CPQ: variants seen among roughly 807,000 people sequenced by gnomAD.
The protein encoded by CPQ is Ser-Met dipeptidase.
In CPQ, 37 loss-of-function variants were observed where a neutral mutation model predicts 45.7. That is an observed-to-expected ratio of 0.81 (90% CI 0.62 to 1.07). The LOEUF (loss-of-function observed/expected upper bound fraction) is 1.07, where lower values mean the gene tolerates loss of function less well. CPQ is among the 50% of genes least tolerant of loss of function. The pLI is 0.00. For missense variants in CPQ, 537 were observed against 572.9 expected (o/e 0.94, Z 0.64); for synonymous variants, 186 against 205.8 (o/e 0.90, Z 0.82).
At chr8:97,108,317 G>T (rs1399164086) in intron 7 of CPQ, among the ~76,000 whole-genome samples, 1 of 152,174 alleles carries the variant, frequency 6.6e-6, no homozygotes, top group Non-Finnish European at 1.5e-5. Flanking sequence ...CCTGACTTAT[G>T]ATATAACAGG....
intron 5 of CPQ, among the ~76,000 whole-genome samples, chr8:97,016,570 C>G (rs1038257096): frequency 6.6e-6 from 1 of 152,058 alleles, no homozygotes; most frequent in Non-Finnish European, 1.5e-5. Context: ...AATTAATGGT[C>G]TAATGGGAAG....
chr8:96,744,437 C>G (rs1463895616), intron 1 of CPQ, among the ~76,000 whole-genome samples: 1 of 152,236 alleles, frequency 6.6e-6, no homozygotes, highest in Non-Finnish European at 1.5e-5. Context: ...CACCTGTCTT[C>G]TGCGTCGGTC....
At chr8:96,956,954 C>A (rs910834520) in intron 4 of CPQ, among the ~76,000 whole-genome samples, 1 of 152,196 alleles carries the variant, frequency 6.6e-6, no homozygotes, top group Non-Finnish European at 1.5e-5. Flanking sequence ...GGCATGGAGC[C>A]TTTCAAAGTA....
Position 97,043,251 on chromosome 8 carries a change from T to C in CPQ, c.1053+13757T>C, listed in dbSNP as rs1168612948. 2.0e-5 allele frequency among the ~76,000 whole-genome samples: 3 copies of C among 152,052 alleles called. No homozygotes were observed. The South Asian group carries it at 6.2e-4, about 32-fold the overall frequency. ...TTTACCATTATGTAATGGCCTTCTT[T>C]GTCTCTTTTGATCTTTGTTGGTTTA... On this transcript the variant is annotated intron_variant, in intron 6 of 7. Transcript: ENST00000220763.
chr8:97,038,825 C>CAAAAAAA (rs35739621), intron 6 of CPQ, among the ~76,000 whole-genome samples: 547 of 91,496 alleles, frequency 6.0e-3, no homozygotes, highest in African/African-American at 7.2e-3. Flanking sequence ...ACCGTATTTA[C>CAAAAAAA]AAAAAAAAAA....
intron 2 of CPQ, among the ~76,000 whole-genome samples, chr8:96,808,695 G>T (rs1811118059): frequency 6.6e-6 from 1 of 152,104 alleles, no homozygotes; most frequent in Non-Finnish European, 1.5e-5. Flanking sequence ...AAAGGCAGGG[G>T]CTCCAGAAGT....
chr8:96,816,855 T>C (rs757748067), intron 2 of CPQ, among the ~76,000 whole-genome samples: 4 of 152,152 alleles, frequency 2.6e-5, no homozygotes, highest in Non-Finnish European at 5.9e-5. Context: ...TTAAAATATT[T>C]ACTAAACCAT....
intron 5 of CPQ, among the ~76,000 whole-genome samples, chr8:97,017,223 T>C (rs751104153): frequency 2.6e-5 from 4 of 151,752 alleles, no homozygotes; most frequent in Non-Finnish European, 5.9e-5. Flanking sequence ...CCGAGCAAAA[T>C]ATGGGGTTAG....
intron 2 of CPQ, among the ~76,000 whole-genome samples, chr8:96,804,106 G>T (rs1265508373): frequency 1.3e-5 from 2 of 152,174 alleles, no homozygotes; most frequent in South Asian, 2.1e-4. Context: ...AGGGAAAAAA[G>T]ATATTTTTAG....
chr8:96,846,978 T>G (rs1038085755), intron 3 of CPQ, among the ~76,000 whole-genome samples: 4 of 152,218 alleles, frequency 2.6e-5, no homozygotes, highest in Admixed American at 6.5e-5. Flanking sequence ...GACTCTCAGT[T>G]TGGAGTTGTT....
intron 1 of CPQ, among the ~76,000 whole-genome samples, chr8:96,650,520 G>GTT (rs1815565774): frequency 6.6e-6 from 1 of 152,200 alleles, no homozygotes; most frequent in Non-Finnish European, 1.5e-5. Context: ...GCTGCAGTTT[G>GTT]TTTCATGGCT....
intron 1 of CPQ, 104 bp from the exon 2 acceptor site, chr8:96,784,760 T>C: frequency 1.3e-6 from 1 of 775,070 alleles, no homozygotes; most frequent in Non-Finnish European, 2.1e-6. Flanking sequence ...TGGGCAGTGG[T>C]TGGGAAGGGA....
chr8:96,891,805 T>A (rs1812380486), intron 4 of CPQ, among the ~76,000 whole-genome samples: 1 of 152,148 alleles, frequency 6.6e-6, no homozygotes, highest in African/African-American at 2.4e-5. Flanking sequence ...TGATAGAAGG[T>A]GGTAAGTGCC....
At chr8:96,756,644 A>G in intron 1 of CPQ, among the ~76,000 whole-genome samples, 1 of 152,120 alleles carries the variant, frequency 6.6e-6, no homozygotes, top group East Asian at 1.9e-4. Context: ...TATTCAGACT[A>G]TTGTCATGAT....
chr8:96,680,211 A>ATATT (rs1272957606), intron 1 of CPQ, among the ~76,000 whole-genome samples: 1 of 152,066 alleles, frequency 6.6e-6, no homozygotes, highest in Non-Finnish European at 1.5e-5. Context: ...TAACCTTCAT[A>ATATT]TATTTGTACA....
intron 5 of CPQ, among the ~76,000 whole-genome samples, chr8:96,967,141 A>G (rs903513109): frequency 3.3e-5 from 5 of 152,174 alleles, no homozygotes; most frequent in African/African-American, 1.2e-4. Context: ...TCTGTTTCTC[A>G]TATCATTCCA....
chr8:97,134,582 A>G (rs746480588), intron 7 of CPQ, among the ~76,000 whole-genome samples: 12 of 152,308 alleles, frequency 7.9e-5, no homozygotes, highest in East Asian at 3.9e-4. Context: ...CCAAGTTTCC[A>G]TCTCTTTGTC....
chr8:96,913,998 G>A (rs886823937), intron 4 of CPQ, among the ~76,000 whole-genome samples: 13 of 152,192 alleles, frequency 8.5e-5, no homozygotes, highest in African/African-American at 2.9e-4. Context: ...TGTGCTGTGT[G>A]TGTTGGAGGA....
chr8:97,058,506 A>C (rs751007090), intron 6 of CPQ, among the ~76,000 whole-genome samples: 5 of 152,164 alleles, frequency 3.3e-5, no homozygotes, highest in Non-Finnish European at 5.9e-5. Context: ...TGGTCAAATG[A>C]AGGAAAGGTT....
Sources: gnomAD v4.1 joint callset for allele counts (sites outside exome capture counted in the v4.1 genomes callset) on GRCh38, gnomAD v4.1.1 for gene constraint, MANE v1.5 for transcripts, NCBI Gene and HGNC (gene_info 2026-07-23, HGNC 2026-07-21) for gene names.